The following PLCL2 variants were observed in gnomAD, a reference collection of about 807,000 sequenced individuals.
The protein encoded by PLCL2 is inactive phospholipase C-like protein 2.
Under a neutral mutation model 79.6 loss-of-function variants are expected in PLCL2, and 4 were observed. The ratio of observed to expected loss-of-function variants is 0.05; its 90% CI spans 0.02 to 0.11. The LOEUF is 0.11. PLCL2 is among the 10% of genes least tolerant of loss of function. The pLI, the probability that PLCL2 is intolerant of heterozygous loss-of-function variation, is 1.00. For synonymous variants in PLCL2, 484 were observed against 457.7 expected (o/e 1.06, Z -0.73); for missense variants, 895 against 1,291.0 (o/e 0.69, Z 4.70).
In PLCL2 at chr3:16,908,133, TAGAG is replaced by T. The variant is rs577445430; in HGVS notation, c.327+22771_327+22774del. Among the ~76,000 whole-genome samples the T allele has an allele frequency of 1.6e-3, 244 of 152,300 alleles. 1 individual carries two copies. Among genetic ancestry groups the T allele is most frequent in the African/African-American group, 5.2e-3 (218 of 41,560 alleles). On this transcript the variant is annotated intron_variant, in intron 1 of 5. Transcript: ENST00000615277. Reference sequence around the variant, plus strand: ...TTTTATTATGGGAAATGGACACAAATAGAGAGAATAGTATGATAAACTCTTATAT... The same window carrying T: ...TTTTATTATGGGAAATGGACACAAATAGAATAGTATGATAAACTCTTATAT...
In PLCL2 at chr3:17,011,938, A is replaced by T. The variant is rs1246289605; in HGVS notation, c.2592A>T (p.Leu864Phe). 2 of 1,614,092 alleles carry T rather than the reference A, an allele frequency of 1.2e-6. No homozygotes were observed. The highest frequency in any genetic ancestry group is 4.5e-5 in the East Asian group (2 of 44,902). ...TGYRHVPLQS[L>F]TGEVLAHASL... ...ACCGCCATGTCCCCCTGCAGTCCTT[A>T]ACTGGAGAGGTCCTTGCACATGCTT... The change falls in exon 2 of 6, where the codon TTA becomes TTT. Residue 864 changes from leucine (L) to phenylalanine (F), a missense_variant. Around this residue, in one of 6 missense-constraint regions of PLCL2, gnomAD observed 298 missense variants for 459.6 expected, o/e 0.65. Coordinates refer to ENST00000615277, the MANE Select transcript of PLCL2 (RefSeq NM_001144382.2). The surrounding 1 kb of genome is among the most constrained non-coding windows in gnomAD (Gnocchi z 7.9).
At chr3:16,980,821 G>A (rs1052998131) in intron 1 of PLCL2, among the ~76,000 whole-genome samples, 11 of 152,258 alleles carry the variant, frequency 7.2e-5, no homozygotes, top group African/African-American at 1.9e-4. Context: ...CCAAGATCAC[G>A]CCACTGCACT....
At position 17,054,954 on chromosome 3, in the gene PLCL2, C is replaced by T. The variant is rs79762136; in HGVS notation, c.3094+12005C>T. ...GCCTCATTTTCCTTCTTCTAAGTGG[C>T]AGTGGATTATGTGATTCCCTGATGG... On this transcript the variant is annotated intron_variant, in intron 4 of 5. Transcript: ENST00000615277. 7.8e-3 allele frequency among the ~76,000 whole-genome samples: 1,191 copies of T among 152,220 alleles called. 17 individuals carry two copies. The highest frequency in any genetic ancestry group is 0.026 in the African/African-American group (1,094 of 41,522).
chr3:17,063,894 C>G (rs77310622), intron 4 of PLCL2, among the ~76,000 whole-genome samples: 6 of 152,150 alleles, frequency 3.9e-5, no homozygotes, highest in African/African-American at 1.4e-4. Context: ...AACTTGACTT[C>G]TTGAGGGAGT....
At chr3:17,018,776 A>G (rs928216589) in intron 3 of PLCL2, among the ~76,000 whole-genome samples, 5 of 152,210 alleles carry the variant, frequency 3.3e-5, no homozygotes, top group Non-Finnish European at 7.3e-5. Flanking sequence ...AACAGATACA[A>G]AATAAGTTAC....
chr3:17,039,862 T>C (rs995899182), intron 3 of PLCL2, among the ~76,000 whole-genome samples: 2 of 152,208 alleles, frequency 1.3e-5, no homozygotes, highest in Non-Finnish European at 2.9e-5. Flanking sequence ...CGGGGGACGA[T>C]ATTCACTGTC....
At chr3:16,903,033 C>G (rs894250738) in intron 1 of PLCL2, among the ~76,000 whole-genome samples, 1 of 152,046 alleles carries the variant, frequency 6.6e-6, no homozygotes, top group African/African-American at 2.4e-5. Context: ...TGGGATCTGG[C>G]TCAGAAGCAT....
At chr3:17,016,736 T>C (rs1341137986) in intron 3 of PLCL2, among the ~76,000 whole-genome samples, 1 of 152,036 alleles carries the variant, frequency 6.6e-6, no homozygotes, top group Non-Finnish European at 1.5e-5. Flanking sequence ...GTTCTTGACT[T>C]AAGTTTTATG....
intron 5 of PLCL2, among the ~76,000 whole-genome samples, chr3:17,080,439 C>T (rs6772050): frequency 0.13 from 19,247 of 152,074 alleles, 1,371 homozygotes; most frequent in African/African-American, 0.19. Context: ...GCCAAGACTC[C>T]TACAATCCAT....
chr3:17,089,585 G>T, intron 5 of PLCL2, 148 bp from the exon 6 acceptor site: 1 of 560,998 alleles, frequency 1.8e-6, no homozygotes, highest in African/African-American at 1.9e-5. Flanking sequence ...TATTAAAATT[G>T]ACCTATTCAG....
At chr3:17,043,719 C>T (rs1345513665) in intron 4 of PLCL2, among the ~76,000 whole-genome samples, 1 of 151,500 alleles carries the variant, frequency 6.6e-6, no homozygotes, top group Non-Finnish European at 1.5e-5. Flanking sequence ...AAAAAAAAAT[C>T]CCTTATCTCA....
intron 4 of PLCL2, among the ~76,000 whole-genome samples, chr3:17,061,157 A>G (rs1445664378): frequency 6.6e-6 from 1 of 152,242 alleles, no homozygotes; most frequent in Admixed American, 6.5e-5. Context: ...AATGTTTGAA[A>G]GGTCGTCTGC....
intron 1 of PLCL2, among the ~76,000 whole-genome samples, chr3:17,004,045 A>G (rs993771171): frequency 2.6e-5 from 4 of 152,168 alleles, no homozygotes; most frequent in Non-Finnish European, 4.4e-5. Context: ...CATGGTGGCC[A>G]CATCTTCTTC....
At chr3:17,012,254 T>A in intron 2 of PLCL2, 94 bp downstream of exon 2, 1 of 1,102,332 alleles carries the variant, frequency 9.1e-7, no homozygotes, top group South Asian at 2.0e-5. Context: ...TAATAGTATA[T>A]TTAAGTAGTT....
chr3:16,893,892 A>G (rs932837173), intron 1 of PLCL2, among the ~76,000 whole-genome samples: 3 of 152,188 alleles, frequency 2.0e-5, no homozygotes, highest in African/African-American at 7.2e-5. Context: ...GTTGACACAA[A>G]TCCTGTGTCT....
chr3:16,953,587 T>C lies in PLCL2; in HGVS notation c.328-56087T>C, dbSNP rs151046705. 2.1e-3 allele frequency among the ~76,000 whole-genome samples: 314 copies of C among 152,260 alleles called. 1 individual carries two copies. Among genetic ancestry groups the C allele is most frequent in the African/African-American group, 5.8e-3 (243 of 41,554 alleles). The stretch of plus-strand genomic sequence containing the variant: ...TTTTTGTGATGGTAAGATGATAATG[T>C]GCTAGAAGTCAAATGGTTGGAATTT... On this transcript the variant is annotated intron_variant, in intron 1 of 5. Coordinates refer to ENST00000615277, the MANE Select transcript of PLCL2 (RefSeq NM_001144382.2).
At chr3:16,996,921 C>T (rs963302264) in intron 1 of PLCL2, among the ~76,000 whole-genome samples, 12 of 152,116 alleles carry the variant, frequency 7.9e-5, no homozygotes, top group Non-Finnish European at 1.8e-4. Context: ...ACTTTGTCTT[C>T]ATACTATTTT....
Position 17,012,179 on chromosome 3 carries a change from T to C in PLCL2, c.2814+19T>C. ...CATGCAGGTGCGTGCTTGTGTTTAA[T>C]CATTTACTCAATGGTTTTCCTACTT... is the stretch of plus-strand genomic sequence containing the variant. On this transcript the variant is annotated intron_variant, in intron 2 of 5. Coordinates refer to ENST00000615277, the MANE Select transcript of PLCL2 (RefSeq NM_001144382.2). The C allele has an allele frequency of 6.3e-7, 1 of 1,585,084 alleles. No individual in the cohort carries two copies. The highest frequency in any genetic ancestry group is 8.6e-7 in the Non-Finnish European group (1 of 1,165,012).
intron 4 of PLCL2, among the ~76,000 whole-genome samples, chr3:17,058,630 T>C (rs1410684109): frequency 1.3e-5 from 2 of 152,116 alleles, no homozygotes; most frequent in Non-Finnish European, 2.9e-5. Flanking sequence ...ACTGGAATTA[T>C]TAAATTTGGG....
Sources: allele counts gnomAD v4.1 joint callset (sites outside exome capture counted in the v4.1 genomes callset), GRCh38; gene constraint gnomAD v4.1.1; regional missense constraint gnomAD v4.1.1; non-coding constraint Gnocchi (gnomAD v3.1); transcripts MANE v1.5; gene names NCBI Gene and HGNC (gene_info 2026-07-23, HGNC 2026-07-21).